The following ATRNL1 variants were observed in gnomAD, a reference collection of about 807,000 sequenced individuals.
The protein encoded by ATRNL1 is attractin-like protein 1.
A neutral mutation model predicts 182.7 loss-of-function variants in ATRNL1; 95 were observed. The observed-to-expected ratio is 0.52, with a 90% CI of 0.44 to 0.62. The LOEUF (loss-of-function observed/expected upper bound fraction) is 0.62, where lower values mean the gene tolerates loss of function less well. Among genes scored for constraint, ATRNL1 ranks in the 20% least tolerant of loss-of-function variants. The pLI, the probability that ATRNL1 is intolerant of heterozygous loss-of-function variation, is 0.00. For missense variants in ATRNL1, 1,471 were observed against 1,679.5 expected (o/e 0.88, Z 2.17); for synonymous variants, 576 against 568.3 (o/e 1.01, Z -0.19).
intron 24 of ATRNL1, among the ~76,000 whole-genome samples, chr10:115,477,411 G>T (rs1329740444): frequency 6.6e-6 from 1 of 151,558 alleles, no homozygotes; most frequent in Non-Finnish European, 1.5e-5. Flanking sequence ...AACTGGGCAT[G>T]CCTGCTATAC....
At chr10:115,164,310 T>A (rs1846937363) in intron 6 of ATRNL1, among the ~76,000 whole-genome samples, 1 of 152,170 alleles carries the variant, frequency 6.6e-6, no homozygotes, top group Non-Finnish European at 1.5e-5. Flanking sequence ...AAATTATCAG[T>A]AAACAAGCTA....
At chr10:115,298,497 A>G (rs1206474099) in intron 15 of ATRNL1, among the ~76,000 whole-genome samples, 1 of 152,086 alleles carries the variant, frequency 6.6e-6, no homozygotes, top group African/African-American at 2.4e-5. Flanking sequence ...TTGACTATAG[A>G]TAGTTCAGGG....
chr10:115,113,994 T>TC (rs1275165561), intron 1 of ATRNL1, among the ~76,000 whole-genome samples: 1 of 152,106 alleles, frequency 6.6e-6, no homozygotes, highest in African/African-American at 2.4e-5. Context: ...TGTTTTTTTT[T>TC]CCATGAACTT....
chr10:115,380,096 C>G (rs1045352222), intron 19 of ATRNL1, among the ~76,000 whole-genome samples: 2 of 152,200 alleles, frequency 1.3e-5, no homozygotes, highest in Non-Finnish European at 2.9e-5. Context: ...TCCCAAAGTG[C>G]TGGGATTACA....
chr10:115,190,593 TA>T (rs1206533174), intron 8 of ATRNL1, among the ~76,000 whole-genome samples: 1 of 152,146 alleles, frequency 6.6e-6, no homozygotes, highest in African/African-American at 2.4e-5. Context: ...GGGCACATAA[TA>T]GTTGTATATG....
intron 5 of ATRNL1, among the ~76,000 whole-genome samples, chr10:115,140,941 TC>T (rs1275102570): frequency 6.6e-6 from 1 of 152,114 alleles, no homozygotes; most frequent in Non-Finnish European, 1.5e-5. Flanking sequence ...CCAAAGTTCT[TC>T]CTAGAAAACC....
intron 26 of ATRNL1, among the ~76,000 whole-genome samples, chr10:115,566,013 A>G (rs576827268): frequency 6.6e-6 from 1 of 152,316 alleles, no homozygotes; most frequent in Non-Finnish European, 1.5e-5. Flanking sequence ...AATGACATCT[A>G]TAATTGGTAA....
At chr10:115,843,202 A>G (rs1175345466) in intron 27 of ATRNL1, among the ~76,000 whole-genome samples, 1 of 152,056 alleles carries the variant, frequency 6.6e-6, no homozygotes, top group African/African-American at 2.4e-5. Flanking sequence ...GCTATACAAC[A>G]TGTACATCAA....
At chr10:115,485,905 C>T (rs1414475540) in intron 24 of ATRNL1, among the ~76,000 whole-genome samples, 4 of 151,074 alleles carry the variant, frequency 2.6e-5, no homozygotes, top group Non-Finnish European at 5.9e-5. Flanking sequence ...CCCCCCACCC[C>T]CCAATAGGCC....
chr10:115,096,843 A>G, intron 1 of ATRNL1: 1 of 1,120,078 alleles, frequency 8.9e-7, no homozygotes, highest in East Asian at 6.8e-5. Flanking sequence ...TACACAGGTA[A>G]AACAAAAGGA....
At chr10:115,577,074 T>C (rs1476016864) in intron 26 of ATRNL1, among the ~76,000 whole-genome samples, 2 of 151,914 alleles carry the variant, frequency 1.3e-5, no homozygotes, top group Admixed American at 1.3e-4. Context: ...AGCTCTCTTT[T>C]CGGTTCTATT....
Position 115,824,103 on chromosome 10 carries a change from G to A in ATRNL1, c.3904-23774G>A, listed in dbSNP as rs185067366. On this transcript the variant is annotated intron_variant, in intron 27 of 28. Coordinates refer to ENST00000355044, the MANE Select transcript of ATRNL1 (RefSeq NM_207303.4). ...ATATGTAGACCAATGGAACAGAACA[G>A]AGGCCTCAGAAATAATGCCACACCT... Among the ~76,000 whole-genome samples the A allele has an allele frequency of 3.7e-3, 558 of 152,236 alleles. 2 individuals are homozygous for A. Among genetic ancestry groups the A allele is most frequent in the African/African-American group, 0.013 (537 of 41,542 alleles).
At chr10:115,626,161 C>T (rs1432113021) in intron 26 of ATRNL1, among the ~76,000 whole-genome samples, 2 of 152,190 alleles carry the variant, frequency 1.3e-5, no homozygotes, top group Non-Finnish European at 2.9e-5. Context: ...CACTCATATA[C>T]ATACACTTAC....
intron 15 of ATRNL1, among the ~76,000 whole-genome samples, chr10:115,297,719 T>G (rs1281347695): frequency 6.6e-6 from 1 of 151,834 alleles, no homozygotes; most frequent in East Asian, 1.9e-4. Context: ...CTACCACTTA[T>G]GCAGAGCTTA....
intron 21 of ATRNL1, among the ~76,000 whole-genome samples, chr10:115,456,885 G>T (rs886387947): frequency 2.6e-4 from 39 of 152,136 alleles, no homozygotes; most frequent in African/African-American, 9.2e-4. Context: ...AGTTCAGCAA[G>T]TGGGAGGGAG....
intron 14 of ATRNL1, among the ~76,000 whole-genome samples, chr10:115,281,735 AAAAAAATCTT>A (rs1195181196): frequency 2.9e-5 from 2 of 68,488 alleles, no homozygotes; most frequent in Non-Finnish European, 5.3e-5. Flanking sequence ...CTTTTCATCG[AAAAAAATCTT>A]AAAAATGTAG....
intron 28 of ATRNL1, among the ~76,000 whole-genome samples, chr10:115,929,949 A>C (rs782299853): frequency 2.6e-5 from 4 of 152,144 alleles, no homozygotes; most frequent in Non-Finnish European, 5.9e-5. Flanking sequence ...TGAAAGAAGC[A>C]CCATTTGAAA....
chr10:115,198,465 A>G (rs920292623), intron 8 of ATRNL1, among the ~76,000 whole-genome samples: 1 of 152,066 alleles, frequency 6.6e-6, no homozygotes, highest in African/African-American at 2.4e-5. Context: ...CATAGGTTAT[A>G]TCTTCAGTTT....
At chr10:115,755,339 G>A (rs767986816) in intron 27 of ATRNL1, among the ~76,000 whole-genome samples, 28 of 152,076 alleles carry the variant, frequency 1.8e-4, no homozygotes, top group Non-Finnish European at 3.2e-4. Flanking sequence ...TTTGAGATAC[G>A]TTCCATCAAT....
Sources: gnomAD v4.1 joint callset for allele counts (sites outside exome capture counted in the v4.1 genomes callset) on GRCh38, gnomAD v4.1.1 for gene constraint, MANE v1.5 for transcripts, NCBI Gene and HGNC (gene_info 2026-07-23, HGNC 2026-07-21) for gene names.